The following MSI2 variants were observed in gnomAD, a reference collection of about 807,000 sequenced individuals.
MSI2 encodes the protein RNA-binding protein Musashi homolog 2.
Under a neutral mutation model 45.6 loss-of-function variants are expected in MSI2, and 17 were observed. The observed-to-expected ratio is 0.37, with a 90% CI of 0.26 to 0.56. The LOEUF (loss-of-function observed/expected upper bound fraction) is 0.56. MSI2 is among the 20% of genes least tolerant of loss of function. The probability of loss-of-function intolerance (pLI) is 0.77; values close to 1 mark genes in which losing one functional copy is unlikely to be tolerated. For synonymous variants in MSI2, 156 were observed against 158.2 expected (o/e 0.99, Z 0.11); for missense variants, 293 against 444.2 (o/e 0.66, Z 3.06).
intron 7 of MSI2, among the ~76,000 whole-genome samples, chr17:57,561,959 CTTA>C (rs1401075125): frequency 6.6e-6 from 1 of 152,172 alleles, no homozygotes; most frequent in Non-Finnish European, 1.5e-5. Flanking sequence ...GTTCTTTCTA[CTTA>C]TTATATATAT....
intron 5 of MSI2, among the ~76,000 whole-genome samples, chr17:57,281,207 C>A (rs1909387881): frequency 6.6e-6 from 1 of 152,194 alleles, no homozygotes; most frequent in South Asian, 2.1e-4. Context: ...TGTGGTCCAG[C>A]AGGTTCCTGT....
chr17:57,332,069 T>C (rs918298902), intron 5 of MSI2, among the ~76,000 whole-genome samples: 2 of 151,966 alleles, frequency 1.3e-5, no homozygotes, highest in Non-Finnish European at 2.9e-5. Context: ...CTCCTTTTGA[T>C]GAAGAAAAGT....
intron 5 of MSI2, among the ~76,000 whole-genome samples, chr17:57,347,271 G>A (rs2143821553): frequency 6.6e-6 from 1 of 152,298 alleles, no homozygotes; most frequent in East Asian, 1.9e-4. Flanking sequence ...GTAGAAAGAA[G>A]TGGGAATTAT....
chr17:57,637,544 C>T (rs561911737), intron 10 of MSI2, among the ~76,000 whole-genome samples: 2 of 152,308 alleles, frequency 1.3e-5, no homozygotes, highest in African/African-American at 2.4e-5. Context: ...ACTAAGTGAG[C>T]GCTCAGCTCC....
intron 10 of MSI2, among the ~76,000 whole-genome samples, chr17:57,645,111 G>A (rs903436614): frequency 6.6e-6 from 1 of 152,164 alleles, no homozygotes; most frequent in African/African-American, 2.4e-5. Context: ...CTAAATCAAG[G>A]GTTCTCTGCC....
At chr17:57,269,845 T>C (rs1908189995) in intron 5 of MSI2, among the ~76,000 whole-genome samples, 1 of 152,156 alleles carries the variant, frequency 6.6e-6, no homozygotes, top group East Asian at 1.9e-4. Flanking sequence ...TTTGGCTGAG[T>C]GTCTGCTTGG....
At chr17:57,513,681 C>T (rs956928480) in intron 6 of MSI2, among the ~76,000 whole-genome samples, 1 of 152,210 alleles carries the variant, frequency 6.6e-6, no homozygotes, top group African/African-American at 2.4e-5. Flanking sequence ...TCACTGCAGT[C>T]CCTCAGGGAG....
intron 6 of MSI2, among the ~76,000 whole-genome samples, chr17:57,495,612 T>C (rs1242737654): frequency 6.6e-6 from 1 of 151,300 alleles, no homozygotes; most frequent in Non-Finnish European, 1.5e-5. Flanking sequence ...TCTCTTGATA[T>C]CAGTCTCCAT....
chr17:57,357,557 G>A (rs1431206494), intron 5 of MSI2, among the ~76,000 whole-genome samples: 1 of 152,266 alleles, frequency 6.6e-6, no homozygotes, highest in African/African-American at 2.4e-5. Context: ...TTGCCAGGGC[G>A]AGGAGAGCTT....
intron 10 of MSI2, among the ~76,000 whole-genome samples, chr17:57,641,720 T>C (rs1395319425): frequency 1.3e-5 from 2 of 152,106 alleles, no homozygotes; most frequent in African/African-American, 2.4e-5. Context: ...ACTGTCAAGA[T>C]AGTTTGTTGA....
chr17:57,272,492 G>T (rs1452288589), intron 5 of MSI2, among the ~76,000 whole-genome samples: 1 of 152,118 alleles, frequency 6.6e-6, no homozygotes, highest in Non-Finnish European at 1.5e-5. Context: ...CCCCTCCAAA[G>T]GCCCTAGATC....
At chr17:57,325,643 CGA>C (rs1281418051) in intron 5 of MSI2, among the ~76,000 whole-genome samples, 1 of 152,146 alleles carries the variant, frequency 6.6e-6, no homozygotes, top group East Asian at 1.9e-4. Context: ...CTTTGCTGAC[CGA>C]GTTGGTGTTG....
At chr17:57,434,586 A>G (rs1052673759) in intron 6 of MSI2, among the ~76,000 whole-genome samples, 3 of 151,678 alleles carry the variant, frequency 2.0e-5, no homozygotes, top group Non-Finnish European at 2.9e-5. Context: ...GGTAACCCCC[A>G]TTCTATTAAT....
intron 6 of MSI2, among the ~76,000 whole-genome samples, chr17:57,402,099 G>A (rs2084003358): frequency 6.6e-6 from 1 of 152,134 alleles, no homozygotes; most frequent in Admixed American, 6.5e-5. Context: ...GAAGGTGTGT[G>A]TATGATAGAG....
At chr17:57,403,385 TG>T (rs1407185307) in intron 6 of MSI2, among the ~76,000 whole-genome samples, 1 of 152,232 alleles carries the variant, frequency 6.6e-6, no homozygotes, top group Non-Finnish European at 1.5e-5. Context: ...CTGCAAGCTT[TG>T]GCCATGCCCA....
At chr17:57,633,511 G>A (rs1027201385) in intron 10 of MSI2, among the ~76,000 whole-genome samples, 3 of 152,248 alleles carry the variant, frequency 2.0e-5, no homozygotes, top group South Asian at 2.1e-4. Flanking sequence ...TGCACTAGGT[G>A]TGTGCGCCGT....
At chr17:57,289,339 A>C (rs1910202611) in intron 5 of MSI2, among the ~76,000 whole-genome samples, 1 of 152,168 alleles carries the variant, frequency 6.6e-6, no homozygotes, top group African/African-American at 2.4e-5. Flanking sequence ...GGCTCTTGGC[A>C]GTCCTGTGTT....
intron 6 of MSI2, chr17:57,449,364 G>A (rs1182418737): frequency 6.6e-6 from 1 of 152,186 alleles, no homozygotes; most frequent in African/African-American, 2.4e-5. Context: ...TTTCACACGT[G>A]TGGAGGACTG....
the MSI2 span, among the ~76,000 whole-genome samples, chr17:57,693,209 A>G: frequency 6.7e-6 from 1 of 150,180 alleles, no homozygotes; most frequent in Non-Finnish European, 1.5e-5. Context: ...TTGAGACAGA[A>G]TTTCACTCTG....
Sources: gnomAD v4.1 joint callset for allele counts (sites outside exome capture counted in the v4.1 genomes callset) on GRCh38, gnomAD v4.1.1 for gene constraint, MANE v1.5 for transcripts, NCBI Gene and HGNC (gene_info 2026-07-23, HGNC 2026-07-21) for gene names.